The following NMNAT2 variants were observed in gnomAD, a reference collection of about 807,000 sequenced individuals.
NMNAT2 encodes the protein nicotinamide/nicotinic acid mononucleotide adenylyltransferase 2.
A neutral mutation model predicts 41.6 loss-of-function variants in NMNAT2; 11 were observed. That is an observed-to-expected ratio of 0.26 (90% CI 0.17 to 0.44). The LOEUF (loss-of-function observed/expected upper bound fraction) is 0.44, where lower values mean the gene tolerates loss of function less well. NMNAT2 is among the 20% of genes least tolerant of loss of function. The pLI, the probability that NMNAT2 is intolerant of heterozygous loss-of-function variation, is 1.00. For missense variants in NMNAT2, 288 were observed against 407.7 expected (o/e 0.71, Z 2.53); for synonymous variants, 148 against 151.2 (o/e 0.98, Z 0.16).
intron 1 of NMNAT2, among the ~76,000 whole-genome samples, chr1:183,360,649 C>A (rs2102358783): frequency 6.6e-6 from 1 of 152,298 alleles, no homozygotes; most frequent in African/African-American, 2.4e-5. Flanking sequence ...CAAATGACAG[C>A]AAATTCCCCA....
chr1:183,316,637 A>G (rs1415149529), intron 1 of NMNAT2, among the ~76,000 whole-genome samples: 1 of 151,818 alleles, frequency 6.6e-6, no homozygotes, highest in African/African-American at 2.4e-5. Flanking sequence ...TGGGCACTTT[A>G]CTTCCCTCTG....
chr1:183,363,059 C>A (rs764865511), intron 1 of NMNAT2, among the ~76,000 whole-genome samples: 20 of 152,268 alleles, frequency 1.3e-4, no homozygotes, highest in Middle Eastern at 3.4e-3. Context: ...TGTTGAGCAA[C>A]TTTTTAGGAG....
rs546204712 is a variant in NMNAT2 at position 183,268,249 on chromosome 1, G to A, written c.652-6946C>T. ...AGAGTTTGCATCATCCCTCCAAGAGGCTGAATTTCAGCCTCTTGCCCTGCC... is the reference window on the plus strand; with the variant it reads ...AGAGTTTGCATCATCCCTCCAAGAGACTGAATTTCAGCCTCTTGCCCTGCC... On this transcript the variant is annotated intron_variant, in intron 8 of 10. Transcript: ENST00000287713. Among the ~76,000 whole-genome samples the A allele has an allele frequency of 7.9e-5, 12 of 152,240 alleles. No individual in the cohort carries two copies. The South Asian group carries it at 2.5e-3, about 32-fold the overall frequency.
intron 1 of NMNAT2, among the ~76,000 whole-genome samples, chr1:183,341,669 C>T (rs1397691769): frequency 1.5e-5 from 1 of 65,152 alleles, no homozygotes; most frequent in Non-Finnish European, 2.7e-5. Flanking sequence ...CCAGCCTGGT[C>T]AATAGAGAAA....
At chr1:183,360,989 C>T (rs540297475) in intron 1 of NMNAT2, among the ~76,000 whole-genome samples, 9 of 152,182 alleles carry the variant, frequency 5.9e-5, no homozygotes, top group African/African-American at 9.6e-5. Context: ...GAGTTAACCA[C>T]GTTTTAACTG....
At chr1:183,275,725 T>G (rs980765112) in intron 8 of NMNAT2, among the ~76,000 whole-genome samples, 1 of 152,014 alleles carries the variant, frequency 6.6e-6, no homozygotes, top group African/African-American at 2.4e-5. Context: ...CAGGCTGGAG[T>G]GCAATGGCGT....
rs1660353474 is a variant in NMNAT2, at chr1:183,250,734, T to TTTCC, written c.*1903_*1906dup. Reference sequence around the variant, plus strand: ...AAACACTGATACCCCAAAATAGGATTTTCCTTCCTTCCTCTGAAGATTATT... The same window carrying TTTCC: ...AAACACTGATACCCCAAAATAGGATTTTCCTTCCTTCCTTCCTCTGAAGATTATT... On this transcript the variant is annotated 3_prime_UTR_variant, in exon 11 of 11. Transcript: ENST00000287713. 6.6e-6 allele frequency: 1 copy of TTTCC among 152,646 alleles called. No individual in the cohort carries two copies. The highest frequency in any genetic ancestry group is 6.5e-5 in the Admixed American group (1 of 15,276). 9.5% of individuals were successfully genotyped at this position (152,646 alleles called of 1,614,324 possible).
chr1:183,397,484 ACT>A (rs1457430142), intron 1 of NMNAT2, among the ~76,000 whole-genome samples: 2 of 152,158 alleles, frequency 1.3e-5, no homozygotes, highest in Non-Finnish European at 2.9e-5. Context: ...GTTGGAAAAC[ACT>A]CTGCAGGATA....
At chr1:183,369,429 A>T (rs2102364998) in intron 1 of NMNAT2, among the ~76,000 whole-genome samples, 1 of 151,968 alleles carries the variant, frequency 6.6e-6, no homozygotes, top group East Asian at 1.9e-4. Flanking sequence ...GGCATGCACC[A>T]CCATGCCCAG....
At chr1:183,348,999 C>T (rs1662990332) in intron 1 of NMNAT2, among the ~76,000 whole-genome samples, 1 of 152,154 alleles carries the variant, frequency 6.6e-6, no homozygotes, top group African/African-American at 2.4e-5. Flanking sequence ...CTCGGTGCAC[C>T]AGGTTGACCC....
At chr1:183,252,855 G>A (rs1170717097) in intron 10 of NMNAT2, 112 bp from the exon 11 acceptor site, 4 of 759,382 alleles carry the variant, frequency 5.3e-6, no homozygotes, top group Non-Finnish European at 4.6e-6. Flanking sequence ...CTCAGGTTGA[G>A]TAAATAGTTC....
At chr1:183,293,634 T>C in intron 2 of NMNAT2, 71 bp downstream of exon 2, 2 of 1,160,082 alleles carry the variant, frequency 1.7e-6, no homozygotes, top group South Asian at 2.5e-5. Context: ...GCAGTTTTTC[T>C]GCCAGGAACT....
intron 8 of NMNAT2, chr1:183,267,178 T>C (rs558846001): frequency 1.3e-5 from 2 of 152,468 alleles, no homozygotes; most frequent in East Asian, 3.8e-4. Flanking sequence ...GAGGATGTGG[T>C]GAAGGTAGTG....
chr1:183,305,225 G>A (rs1474048573), intron 1 of NMNAT2, among the ~76,000 whole-genome samples: 1 of 151,118 alleles, frequency 6.6e-6, no homozygotes, highest in Non-Finnish European at 1.5e-5. Flanking sequence ...TTCCCCTTCA[G>A]CGAAACTCAA....
intron 1 of NMNAT2, among the ~76,000 whole-genome samples, chr1:183,320,197 G>C (rs760550451): frequency 4.6e-5 from 7 of 152,362 alleles, no homozygotes; most frequent in Non-Finnish European, 8.8e-5. Context: ...AGAGGTGATA[G>C]TATTTCAGAG....
chr1:183,255,065 T>C (rs566138), intron 10 of NMNAT2, among the ~76,000 whole-genome samples: 5,564 of 152,282 alleles, frequency 0.037, 349 homozygotes, highest in African/African-American at 0.13. Flanking sequence ...ACACTTAGGT[T>C]CTTTATCCAT....
chr1:183,334,074 AT>A (rs916335873), intron 1 of NMNAT2, among the ~76,000 whole-genome samples: 4 of 152,016 alleles, frequency 2.6e-5, no homozygotes, highest in Non-Finnish European at 5.9e-5. Flanking sequence ...TCACCGTCTC[AT>A]TTTTTTTGAG....
intron 1 of NMNAT2, among the ~76,000 whole-genome samples, chr1:183,355,350 T>C (rs1663161432): frequency 6.6e-6 from 1 of 152,216 alleles, no homozygotes; most frequent in Non-Finnish European, 1.5e-5. Flanking sequence ...TCCAGACCAG[T>C]GGCACCAGCA....
At chr1:183,280,516 T>A (rs1276850355) in intron 7 of NMNAT2, among the ~76,000 whole-genome samples, 1 of 151,104 alleles carries the variant, frequency 6.6e-6, no homozygotes, top group Non-Finnish European at 1.5e-5. Flanking sequence ...GCCTCCCAAG[T>A]AGCTGGGATT....
Sources: allele counts gnomAD v4.1 joint callset (sites outside exome capture counted in the v4.1 genomes callset), GRCh38; gene constraint gnomAD v4.1.1; transcripts MANE v1.5; gene names NCBI Gene and HGNC (gene_info 2026-07-23, HGNC 2026-07-21).